Variants in RBFOX1 observed in about 807,000 individuals in gnomAD.
RBFOX1 encodes RNA binding fox-1 homolog 1.
Under a neutral mutation model 57.7 loss-of-function variants are expected in RBFOX1, and 8 were observed. The ratio of observed to expected loss-of-function variants is 0.14; its 90% CI spans 0.08 to 0.25. The LOEUF (loss-of-function observed/expected upper bound fraction) is 0.25, where lower values mean the gene tolerates loss of function less well. RBFOX1 is among the 10% of genes least tolerant of loss of function. The pLI, the probability that RBFOX1 is intolerant of heterozygous loss-of-function variation, is 1.00. For missense variants in RBFOX1, 611 were observed against 548.5 expected (o/e 1.11, Z -1.14); for synonymous variants, 326 against 222.4 (o/e 1.47, Z -4.15).
intron 2 of RBFOX1, among the ~76,000 whole-genome samples, chr16:6,579,479 G>T (rs779670545): frequency 6.6e-6 from 1 of 152,158 alleles, no homozygotes; most frequent in African/African-American, 2.4e-5. Context: ...CATGGGAATG[G>T]TTACTTCCAT....
At chr16:5,835,484 G>A (rs150670112) in intron 3 of RBFOX1, among the ~76,000 whole-genome samples, 1,528 of 152,296 alleles carry the variant, frequency 0.01, 8 homozygotes, top group Non-Finnish European at 0.011. Flanking sequence ...GACTTTGTAG[G>A]TATCAACATC....
intron 4 of RBFOX1, among the ~76,000 whole-genome samples, chr16:7,455,066 G>C (rs77183386): frequency 0.03 from 4,508 of 152,274 alleles, 229 homozygotes; most frequent in African/African-American, 0.1. Context: ...TACCATGCTA[G>C]GCACAACGGA....
chr16:6,361,783 C>T (rs553146977), intron 2 of RBFOX1, among the ~76,000 whole-genome samples: 1 of 152,252 alleles, frequency 6.6e-6, no homozygotes, highest in South Asian at 2.1e-4. Flanking sequence ...AAAGATTTCC[C>T]CAGATATTTC....
chr16:7,199,148 G>C (rs769603495), intron 4 of RBFOX1, among the ~76,000 whole-genome samples: 1 of 152,130 alleles, frequency 6.6e-6, no homozygotes, highest in African/African-American at 2.4e-5. Context: ...CTGTTGATGA[G>C]AAAATTGGAA....
chr16:7,069,303 G>A (rs1340534731), intron 4 of RBFOX1, among the ~76,000 whole-genome samples: 2 of 152,102 alleles, frequency 1.3e-5, no homozygotes, highest in Admixed American at 1.3e-4. Context: ...CACCATCTAG[G>A]TATTAAGCCC....
intron 3 of RBFOX1, among the ~76,000 whole-genome samples, chr16:6,955,273 A>G (rs552079830): frequency 6.6e-6 from 1 of 152,158 alleles, no homozygotes; most frequent in Non-Finnish European, 1.5e-5. Context: ...AATTTAATCT[A>G]GAACTCCCTA....
chr16:6,513,213 C>G (rs767976260), intron 2 of RBFOX1, among the ~76,000 whole-genome samples: 3 of 152,100 alleles, frequency 2.0e-5, no homozygotes, highest in Non-Finnish European at 4.4e-5. Flanking sequence ...CATATTGGGG[C>G]TTAGGTAAGA....
chr16:6,845,204 C>T lies in RBFOX1; in HGVS notation c.-16+190554C>T, dbSNP rs564390163. Among the ~76,000 whole-genome samples the T allele has an allele frequency of 6.6e-5, 10 of 151,928 alleles. No homozygotes were observed. In the South Asian group the frequency reaches 1.2e-3, roughly 19 times the overall value. ...TAATTAGATCCCATTTATCAATTTT[C>T]GCTTTTGCAGCAATTGCTTTTGGCA... On this transcript the variant is annotated intron_variant, in intron 3 of 15. Coordinates refer to ENST00000550418, the MANE Select transcript of RBFOX1 (RefSeq NM_018723.4).
chr16:6,717,785 T>C (rs1603457551), intron 3 of RBFOX1, among the ~76,000 whole-genome samples: 3 of 152,164 alleles, frequency 2.0e-5, no homozygotes, highest in Non-Finnish European at 2.9e-5. Flanking sequence ...ATTCTCAACA[T>C]GGACCCAGCA....
intron 1 of RBFOX1, among the ~76,000 whole-genome samples, chr16:5,346,208 C>T (rs865979069): frequency 5.9e-5 from 9 of 151,964 alleles, no homozygotes; most frequent in African/African-American, 1.7e-4. Flanking sequence ...ATGTGTGTGA[C>T]GTTGTGCAAA....
chr16:7,155,042 G>C (rs1466624237), intron 4 of RBFOX1, among the ~76,000 whole-genome samples: 10 of 152,116 alleles, frequency 6.6e-5, no homozygotes, highest in Non-Finnish European at 1.5e-4. Flanking sequence ...AATATTTTGT[G>C]TGGCGGAGGG....
intron 2 of RBFOX1, among the ~76,000 whole-genome samples, chr16:5,571,035 T>A (rs1479001995): frequency 6.6e-6 from 1 of 151,990 alleles, no homozygotes; most frequent in Non-Finnish European, 1.5e-5. Context: ...ATCTCTTGGA[T>A]CTTTGCTGGT....
chr16:6,936,071 A>C (rs549038816), intron 3 of RBFOX1, among the ~76,000 whole-genome samples: 8 of 152,208 alleles, frequency 5.3e-5, no homozygotes, highest in Non-Finnish European at 1.0e-4. Flanking sequence ...CGTCAGGCTG[A>C]CTGCGGGCAT....
At chr16:7,640,615 G>A (rs1395323720) in intron 11 of RBFOX1, among the ~76,000 whole-genome samples, 3 of 152,228 alleles carry the variant, frequency 2.0e-5, no homozygotes, top group African/African-American at 7.2e-5. Flanking sequence ...AGGCCGAGAT[G>A]AGATGTTTCA....
chr16:5,387,360 C>T (rs1236487935), intron 1 of RBFOX1, among the ~76,000 whole-genome samples: 1 of 152,166 alleles, frequency 6.6e-6, no homozygotes, highest in Non-Finnish European at 1.5e-5. Context: ...ATAAATAAGT[C>T]CAGGAGAGGC....
chr16:7,198,005 T>TTTTTTTG, intron 4 of RBFOX1, among the ~76,000 whole-genome samples: 5 of 125,478 alleles, frequency 4.0e-5, no homozygotes, highest in African/African-American at 1.5e-4. Context: ...TTTCTTTTTT[T>TTTTTTTG]TTTTTTTTTT....
chr16:5,659,059 T>G (rs1237791691), intron 3 of RBFOX1, among the ~76,000 whole-genome samples: 2 of 151,876 alleles, frequency 1.3e-5, no homozygotes, highest in Non-Finnish European at 2.9e-5. Context: ...TAGATCTGCT[T>G]TTAGTTCTTT....
chr16:7,376,398 C>A (rs559450628), intron 4 of RBFOX1, among the ~76,000 whole-genome samples: 3 of 152,298 alleles, frequency 2.0e-5, no homozygotes, highest in African/African-American at 7.2e-5. Context: ...TGATCCAGGA[C>A]TTTCATCCCC....
chr16:7,631,305 G>T (rs536389777), intron 11 of RBFOX1, among the ~76,000 whole-genome samples: 1 of 152,284 alleles, frequency 6.6e-6, no homozygotes, highest in East Asian at 1.9e-4. Flanking sequence ...TACCCATCCA[G>T]TGCGGGAGGG....
Sources: gnomAD v4.1 joint callset for allele counts (sites outside exome capture counted in the v4.1 genomes callset) on GRCh38, gnomAD v4.1.1 for gene constraint, MANE v1.5 for transcripts, NCBI Gene and HGNC (gene_info 2026-07-23, HGNC 2026-07-21) for gene names.